Variants in PPP2R5E observed in about 807,000 individuals in gnomAD.
PPP2R5E encodes the protein serine/threonine-protein phosphatase 2A 56 kDa regulatory subunit epsilon isoform.
In PPP2R5E, 4 loss-of-function variants were observed where a neutral mutation model predicts 65.3. That is an observed-to-expected ratio of 0.06 (90% CI 0.03 to 0.14). The LOEUF (loss-of-function observed/expected upper bound fraction) is 0.14, where lower values mean the gene tolerates loss of function less well. Ranked by LOEUF, PPP2R5E falls within the 10% of genes least tolerant of loss-of-function variation. The pLI is 1.00. For synonymous variants in PPP2R5E, 183 were observed against 187.4 expected, an observed-to-expected ratio of 0.98 and a Z score of 0.19; for missense variants, 274 against 556.1, an observed-to-expected ratio of 0.49 and a Z score of 5.10.
Position 63,507,527 on chromosome 14 carries a change from T to TA in PPP2R5E, c.157+32001dup, listed in dbSNP as rs33982361. ...TGCAAAAATCTCTGAATTTTTAAAGTAAAAAAAAAAAACAAGACTTAAAAA... is the reference window on the plus strand; with the variant it reads ...TGCAAAAATCTCTGAATTTTTAAAGTAAAAAAAAAAAAACAAGACTTAAAAA... On this transcript the variant is annotated intron_variant, in intron 2 of 13. Coordinates refer to ENST00000337537, the MANE Select transcript of PPP2R5E (RefSeq NM_006246.5). Among the ~76,000 whole-genome samples the TA allele has an allele frequency of 9.0e-3, 1,088 of 121,502 alleles. 8 individuals carry two copies. Among genetic ancestry groups the TA allele is most frequent in the African/African-American group, 0.011 (362 of 33,494 alleles). 79.7% of individuals were successfully genotyped at this position (121,502 alleles called of 152,430 possible). A position where few individuals can be genotyped will look rare whatever the true frequency, so the allele number is the denominator to read the frequency against.
intron 2 of PPP2R5E, among the ~76,000 whole-genome samples, chr14:63,493,343 GT>G (rs1389853742): frequency 2.0e-5 from 3 of 152,094 alleles, no homozygotes; most frequent in Non-Finnish European, 4.4e-5. Flanking sequence ...CAGCTCTTCT[GT>G]GAACTATAGA....
chr14:63,467,855 TG>T (rs752230263), intron 2 of PPP2R5E, among the ~76,000 whole-genome samples: 3 of 152,196 alleles, frequency 2.0e-5, no homozygotes, highest in Non-Finnish European at 4.4e-5. Context: ...CAGTATAGTG[TG>T]ACAGCTAAGA....
chr14:63,503,152 A>ATTT (rs35863054), intron 2 of PPP2R5E, among the ~76,000 whole-genome samples: 1 of 150,036 alleles, frequency 6.7e-6, no homozygotes, highest in African/African-American at 2.4e-5. Flanking sequence ...AAAGTTAGCC[A>ATTT]TTTTTTTTTT....
At chr14:63,526,128 G>A (rs1420857034) in intron 2 of PPP2R5E, among the ~76,000 whole-genome samples, 2 of 152,076 alleles carry the variant, frequency 1.3e-5, no homozygotes, top group Non-Finnish European at 2.9e-5. Context: ...CCAAAGTGCT[G>A]GGATTACAGG....
At chr14:63,490,005 AT>A (rs903147169) in intron 2 of PPP2R5E, among the ~76,000 whole-genome samples, 4 of 152,026 alleles carry the variant, frequency 2.6e-5, no homozygotes, top group Admixed American at 2.0e-4. Context: ...CTATAAACAT[AT>A]TTTTTTCCTT....
At chr14:63,439,430 A>C (rs552434500) in intron 3 of PPP2R5E, among the ~76,000 whole-genome samples, 1 of 151,888 alleles carries the variant, frequency 6.6e-6, no homozygotes, top group Non-Finnish European at 1.5e-5. Context: ...GCTAGAGTGC[A>C]ATGGCACGAT....
At chr14:63,473,668 A>G (rs1427244558) in intron 2 of PPP2R5E, among the ~76,000 whole-genome samples, 1 of 152,256 alleles carries the variant, frequency 6.6e-6, no homozygotes, top group Non-Finnish European at 1.5e-5. Flanking sequence ...CAAGAGGCTG[A>G]GACAGGGCTA....
intron 2 of PPP2R5E, among the ~76,000 whole-genome samples, chr14:63,478,374 ATATT>A: frequency 6.6e-6 from 1 of 152,344 alleles, no homozygotes; most frequent in Admixed American, 6.5e-5. Flanking sequence ...AAAATTTTTA[ATATT>A]TATTAATTCA....
chr14:63,532,724 A>C (rs1893488766), intron 2 of PPP2R5E, among the ~76,000 whole-genome samples: 1 of 152,228 alleles, frequency 6.6e-6, no homozygotes, highest in Non-Finnish European at 1.5e-5. Flanking sequence ...CATTTGTCCA[A>C]GGCAACCCAG....
At chr14:63,541,016 T>C (rs1186654395) in intron 1 of PPP2R5E, among the ~76,000 whole-genome samples, 1 of 152,144 alleles carries the variant, frequency 6.6e-6, no homozygotes, top group African/African-American at 2.4e-5. Flanking sequence ...TATGAATGGG[T>C]TCTGGAGTTG....
chr14:63,463,600 C>CTTTT (rs534076468), intron 2 of PPP2R5E, among the ~76,000 whole-genome samples: 1,650 of 139,180 alleles, frequency 0.012, 52 homozygotes, highest in African/African-American at 0.041. Flanking sequence ...CTCGAATTCG[C>CTTTT]TTTTTTTTTT....
At chr14:63,519,612 T>C (rs1241867150) in intron 2 of PPP2R5E, among the ~76,000 whole-genome samples, 1 of 147,680 alleles carries the variant, frequency 6.8e-6, no homozygotes, top group African/African-American at 2.5e-5. Flanking sequence ...CCTCGGCCTC[T>C]CAAAGTGCTG....
At chr14:63,415,315 A>T (rs1483196055) in intron 4 of PPP2R5E, 83 bp from the exon 5 acceptor site, 1 of 910,094 alleles carries the variant, frequency 1.1e-6, no homozygotes, top group Non-Finnish European at 1.6e-6. Context: ...TGTAACACTA[A>T]AAGTGACAGG....
rs545454384 is a variant in PPP2R5E, at chr14:63,510,393, A to T, written c.157+29136T>A. Among the ~76,000 whole-genome samples the T allele has an allele frequency of 2.6e-5, 4 of 152,384 alleles. No homozygotes were observed. The South Asian group carries it at 8.3e-4, about 32-fold the overall frequency. The stretch of plus-strand genomic sequence containing the variant: ...AACAGCAAACAAAATACTCAAGGTC[A>T]CTGCCCTCATGGAGCATGCAGTCTA... On this transcript the variant is annotated intron_variant, in intron 2 of 13. Transcript: ENST00000337537.
intron 2 of PPP2R5E, among the ~76,000 whole-genome samples, chr14:63,499,234 CA>C (rs1333065243): frequency 1.3e-5 from 2 of 152,046 alleles, no homozygotes; most frequent in Non-Finnish European, 2.9e-5. Flanking sequence ...CAATTTTGAA[CA>C]TATCACAGGT....
At chr14:63,457,773 T>C (rs1889207372) in intron 2 of PPP2R5E, among the ~76,000 whole-genome samples, 1 of 152,200 alleles carries the variant, frequency 6.6e-6, no homozygotes, top group African/African-American at 2.4e-5. Context: ...GTTGTATGTG[T>C]TCAAAAGAGA....
At chr14:63,441,954 TA>T (rs1197713885) in intron 3 of PPP2R5E, among the ~76,000 whole-genome samples, 3 of 151,398 alleles carry the variant, frequency 2.0e-5, no homozygotes, top group Non-Finnish European at 4.4e-5. Context: ...ATTTTGCAGT[TA>T]ACCTAAGAGG....
chr14:63,430,307 A>G (rs1594865611), intron 3 of PPP2R5E, among the ~76,000 whole-genome samples: 1 of 151,886 alleles, frequency 6.6e-6, no homozygotes, highest in South Asian at 2.1e-4. Context: ...TGTGGCTAGG[A>G]GTTGGAGACC....
intron 3 of PPP2R5E, among the ~76,000 whole-genome samples, chr14:63,425,389 A>G (rs1887276346): frequency 6.6e-6 from 1 of 152,254 alleles, no homozygotes; most frequent in African/African-American, 2.4e-5. Flanking sequence ...TTGAATCTTC[A>G]TTAAACTATA....
Sources: gnomAD v4.1 joint callset for allele counts (sites outside exome capture counted in the v4.1 genomes callset) on GRCh38, gnomAD v4.1.1 for gene constraint, MANE v1.5 for transcripts, NCBI Gene and HGNC (gene_info 2026-07-23, HGNC 2026-07-21) for gene names.